Variants in SULF2 observed in about 807,000 individuals in gnomAD.
SULF2 encodes the protein sulfatase 2.
In SULF2, 52 loss-of-function variants were observed where a neutral mutation model predicts 107.7. The observed-to-expected ratio is 0.48, with a 90% CI of 0.39 to 0.61. SULF2 has a LOEUF of 0.61. Ranked by LOEUF, SULF2 falls within the 20% of genes least tolerant of loss-of-function variation. The probability of loss-of-function intolerance (pLI) is 0.00; values close to 1 mark genes in which losing one functional copy is unlikely to be tolerated. For missense variants in SULF2, 993 were observed against 1,177.3 expected (o/e 0.84, Z 2.29); for synonymous variants, 460 against 464.3 (o/e 0.99, Z 0.12).
intron 17 of SULF2, among the ~76,000 whole-genome samples, chr20:47,662,500 A>G (rs2087110130): frequency 6.6e-6 from 1 of 152,240 alleles, no homozygotes; most frequent in Non-Finnish European, 1.5e-5. Context: ...GGCAATACCA[A>G]GGCCACAGTA....
chr20:47,726,371 A>G (rs1165974947), intron 3 of SULF2, among the ~76,000 whole-genome samples: 1 of 148,688 alleles, frequency 6.7e-6, no homozygotes, highest in Non-Finnish European at 1.5e-5. Context: ...ATGTCCAGCT[A>G]ATTTTTTTTT....
intron 3 of SULF2, among the ~76,000 whole-genome samples, chr20:47,705,716 G>A (rs1217711365): frequency 2.0e-5 from 3 of 152,058 alleles, no homozygotes; most frequent in African/African-American, 7.2e-5. Context: ...AATATTCGCC[G>A]ACGCACGTGA....
chr20:47,743,555 C>T (rs1163884054), intron 2 of SULF2, among the ~76,000 whole-genome samples: 3 of 152,238 alleles, frequency 2.0e-5, no homozygotes, highest in Non-Finnish European at 1.5e-5. Context: ...AGTGATCCTC[C>T]TTCCTTGGCC....
intron 20 of SULF2, among the ~76,000 whole-genome samples, chr20:47,658,594 T>C (rs2086969196): frequency 6.6e-6 from 1 of 152,224 alleles, no homozygotes. Flanking sequence ...AAGGATGGCA[T>C]TTAAGGATCT....
intron 3 of SULF2, among the ~76,000 whole-genome samples, chr20:47,724,813 GCA>G (rs1387269042): frequency 6.6e-6 from 1 of 152,160 alleles, no homozygotes; most frequent in Non-Finnish European, 1.5e-5. Context: ...GACACTACTT[GCA>G]CCTTTCAAAG....
chr20:47,676,366 C>A, intron 10 of SULF2, 128 bp downstream of exon 10: 1 of 1,019,114 alleles, frequency 9.8e-7, no homozygotes, highest in Non-Finnish European at 1.4e-6. Flanking sequence ...TTGGGCACCA[C>A]ACGGCAGCAA....
chr20:47,689,891 T>C (rs184993736), intron 5 of SULF2: 56 of 381,792 alleles, frequency 1.5e-4, no homozygotes, highest in African/African-American at 9.9e-4. Context: ...CACCTCTTGG[T>C]GGGAGGCCGT....
intron 1 of SULF2, among the ~76,000 whole-genome samples, chr20:47,770,981 C>A (rs1169180770): frequency 2.0e-5 from 3 of 152,180 alleles, no homozygotes; most frequent in Non-Finnish European, 4.4e-5. Flanking sequence ...GACACAGACC[C>A]ACATCTCAAC....
chr20:47,723,344 G>C (rs540199191), intron 3 of SULF2, among the ~76,000 whole-genome samples: 2 of 152,308 alleles, frequency 1.3e-5, no homozygotes, highest in African/African-American at 4.8e-5. Flanking sequence ...GGTCGAGAAT[G>C]AGAGGGTTGA....
At position 47,679,835 on chromosome 20, in the gene SULF2, A is replaced by G. The variant is rs534410377; in HGVS notation, c.1065-1031T>C. 1.8e-4 allele frequency among the ~76,000 whole-genome samples: 27 copies of G among 152,204 alleles called. 1 individual carries two copies. In the South Asian group the frequency reaches 5.6e-3, roughly 32 times the overall value. The stretch of plus-strand genomic sequence containing the variant: ...GTTCTGCAGCACAGATACCCAACAC[A>G]AGGCCCCTCCTGAGGACCCTATTCG... On this transcript the variant is annotated intron_variant, in intron 7 of 20. Coordinates refer to ENST00000688720, the MANE Select transcript of SULF2 (RefSeq NM_001387048.1).
chr20:47,672,518 C>T, intron 10 of SULF2, 125 bp from the exon 11 acceptor site: 2 of 1,437,572 alleles, frequency 1.4e-6, no homozygotes, highest in Non-Finnish European at 1.8e-6. Context: ...TTACCGAGCC[C>T]CACCTCTGCT....
At chr20:47,667,069 A>G (rs1375670039) in intron 11 of SULF2, among the ~76,000 whole-genome samples, 1 of 152,224 alleles carries the variant, frequency 6.6e-6, no homozygotes, top group Non-Finnish European at 1.5e-5. Context: ...GGTGTGCAAC[A>G]CTGTGAACCT....
intron 2 of SULF2, among the ~76,000 whole-genome samples, chr20:47,742,367 A>G (rs987282814): frequency 2.6e-5 from 4 of 152,108 alleles, no homozygotes; most frequent in Non-Finnish European, 5.9e-5. Context: ...TCCAACATAA[A>G]CCTGGGGACA....
intron 20 of SULF2, among the ~76,000 whole-genome samples, chr20:47,658,719 G>A (rs1249201579): frequency 2.0e-5 from 3 of 152,158 alleles, no homozygotes; most frequent in Non-Finnish European, 2.9e-5. Flanking sequence ...AAGCCACACA[G>A]GTTTATATGC....
At chr20:47,714,824 C>T (rs1028686598) in intron 3 of SULF2, among the ~76,000 whole-genome samples, 5 of 152,244 alleles carry the variant, frequency 3.3e-5, no homozygotes, top group Non-Finnish European at 5.9e-5. Flanking sequence ...CATACCTGCC[C>T]CAGGGCCTTT....
intron 10 of SULF2, chr20:47,672,601 T>C (rs1024128014): frequency 1.0e-6 from 1 of 963,284 alleles, no homozygotes; most frequent in African/African-American, 1.8e-5. Context: ...CCCAGCGAGA[T>C]GCCTCCGACA....
intron 3 of SULF2, among the ~76,000 whole-genome samples, chr20:47,707,959 G>T (rs1318910945): frequency 6.6e-6 from 1 of 152,122 alleles, no homozygotes; most frequent in African/African-American, 2.4e-5. Context: ...AGTGTACCTG[G>T]GCATGGTACA....
chr20:47,674,844 T>G (rs1336958940), intron 10 of SULF2, among the ~76,000 whole-genome samples: 1 of 152,000 alleles, frequency 6.6e-6, no homozygotes, highest in Non-Finnish European at 1.5e-5. Context: ...GCAACGGCAC[T>G]CGGGGAGTAC....
intron 2 of SULF2, among the ~76,000 whole-genome samples, chr20:47,750,294 A>G (rs757276946): frequency 4.6e-5 from 7 of 152,084 alleles, no homozygotes; most frequent in African/African-American, 9.7e-5. Flanking sequence ...GCTTCTAACC[A>G]TGGTTTTCCC....
Sources: allele counts gnomAD v4.1 joint callset (sites outside exome capture counted in the v4.1 genomes callset), GRCh38; gene constraint gnomAD v4.1.1; transcripts MANE v1.5; gene names NCBI Gene and HGNC (gene_info 2026-07-23, HGNC 2026-07-21).